BFSP2: variants seen among roughly 807,000 people sequenced by gnomAD.
BFSP2 encodes the protein beaded filament structural protein 2.
In BFSP2, 38 loss-of-function variants were observed where a neutral mutation model predicts 44.9. The observed-to-expected ratio is 0.85, with a 90% confidence interval of 0.65 to 1.11. The LOEUF is 1.11. Ranked by LOEUF, BFSP2 falls within the 50% of genes least tolerant of loss-of-function variation. The pLI is 0.00. For synonymous variants in BFSP2, 197 were observed against 209.9 expected (o/e 0.94, Z 0.53); for missense variants, 525 against 533.0 (o/e 0.99, Z 0.15).
intron 1 of BFSP2, among the ~76,000 whole-genome samples, chr3:133,440,076 C>T (rs2073829519): frequency 6.6e-6 from 1 of 152,206 alleles, no homozygotes; most frequent in South Asian, 2.1e-4. Flanking sequence ...GCCTCACAAT[C>T]ATGGCAGAAG....
rs1431204834 is a variant in BFSP2, at chr3:133,448,808, T to G, written c.729+163T>G. On this transcript the variant is annotated intron_variant, in intron 3 of 6. Transcript: ENST00000302334. ...GTAAAATACTTTCAGATCCTTGAAG[T>G]GGGTCAGGTTACCCCAGCAGTCTCA... 29 of 932,482 alleles carry G rather than the reference T, an allele frequency of 3.1e-5. No individual in the cohort carries two copies. The Admixed American group carries it at 3.4e-4, about 11-fold the overall frequency. The allele number at this position is 932,482 out of a possible 1,614,324, so 57.8% of individuals were successfully genotyped here.
chr3:133,406,756 G>A (rs2073408034), intron 1 of BFSP2, among the ~76,000 whole-genome samples: 1 of 152,116 alleles, frequency 6.6e-6, no homozygotes, highest in African/African-American at 2.4e-5. Flanking sequence ...AGAGGCAGTA[G>A]TCAATATGAT....
chr3:133,417,416 C>T (rs1249326229), intron 1 of BFSP2, among the ~76,000 whole-genome samples: 4 of 123,252 alleles, frequency 3.2e-5, no homozygotes, highest in Admixed American at 3.2e-4. Flanking sequence ...CTCTACTCAC[C>T]CCACCCTCTC....
At chr3:133,466,110 C>G (rs1011355313) in intron 4 of BFSP2, among the ~76,000 whole-genome samples, 2 of 152,002 alleles carry the variant, frequency 1.3e-5, no homozygotes, top group Non-Finnish European at 2.9e-5. Context: ...CGCCTTTGCA[C>G]CAACCTAATA....
At chr3:133,430,868 C>T (rs1308670401) in intron 1 of BFSP2, among the ~76,000 whole-genome samples, 6 of 152,042 alleles carry the variant, frequency 3.9e-5, no homozygotes, top group Middle Eastern at 3.2e-3. Context: ...CACCCTGGTC[C>T]GCTCCTTTTA....
rs1576552758 is a variant in BFSP2 at position 133,400,293 on chromosome 3, T to G, written c.210T>G (p.Gly70=). The change falls in exon 1 of 7, where the codon GGT becomes GGG. Residue 70 remains glycine (G), a synonymous_variant. Coordinates refer to ENST00000302334, the MANE Select transcript of BFSP2 (RefSeq NM_003571.4). This position sits in a 1 kb window ranked among gnomAD's most constrained non-coding sequence, Gnocchi z 4.0. ...CCAGTGGGTGCATAGGTGGCTTGGG[T>G]GCCCGTGTGACCCGCCGGGCCCTCG... The part of the protein sequence containing the change: ...TAPSGCIGGL[G]ARVTRRALGI... 1 of 1,613,990 alleles carries G rather than the reference T, an allele frequency of 6.2e-7. No individual in the cohort carries two copies. The highest frequency in any genetic ancestry group is 8.5e-7 in the Non-Finnish European group (1 of 1,180,026).
At chr3:133,458,354 T>C (rs1008902824) in intron 4 of BFSP2, among the ~76,000 whole-genome samples, 1 of 152,200 alleles carries the variant, frequency 6.6e-6, no homozygotes. Flanking sequence ...GACTGTCTCA[T>C]TGAGGTAGGT....
intron 1 of BFSP2, among the ~76,000 whole-genome samples, chr3:133,426,298 G>C (rs75639413): frequency 0.014 from 2,097 of 152,116 alleles, 52 homozygotes; most frequent in African/African-American, 0.047. Context: ...CCCTGCTGAC[G>C]TGCCTGTCAA....
chr3:133,454,936 C>T (rs371954869), intron 4 of BFSP2, among the ~76,000 whole-genome samples: 1 of 152,060 alleles, frequency 6.6e-6, no homozygotes, highest in Non-Finnish European at 1.5e-5. Context: ...CACATACATA[C>T]ACATTAGCCT....
At chr3:133,428,344 G>C (rs1235530440) in intron 1 of BFSP2, among the ~76,000 whole-genome samples, 1 of 152,064 alleles carries the variant, frequency 6.6e-6, no homozygotes, top group Non-Finnish European at 1.5e-5. Context: ...AGGGCGCTGG[G>C]CTTTCATGCC....
intron 4 of BFSP2, among the ~76,000 whole-genome samples, chr3:133,462,290 G>A (rs1242972497): frequency 2.0e-5 from 3 of 152,266 alleles, no homozygotes; most frequent in South Asian, 2.1e-4. Context: ...GCATGAATGA[G>A]TATTAAGAGA....
chr3:133,440,552 C>T (rs879788582), intron 1 of BFSP2, among the ~76,000 whole-genome samples: 1 of 152,090 alleles, frequency 6.6e-6, no homozygotes, highest in African/African-American at 2.4e-5. Flanking sequence ...TCTTTAGTGA[C>T]CAGCACTGAT....
intron 6 of BFSP2, 47 bp downstream of exon 6, chr3:133,472,612 G>C (rs1559986727): frequency 6.4e-7 from 1 of 1,567,342 alleles, no homozygotes; most frequent in Non-Finnish European, 8.7e-7. Context: ...CATATTCATG[G>C]CTTTAAAAAT....
intron 4 of BFSP2, among the ~76,000 whole-genome samples, chr3:133,451,038 G>C (rs547316871): frequency 1.4e-4 from 21 of 149,552 alleles, no homozygotes; most frequent in Non-Finnish European, 1.6e-4. Context: ...GTGAACCTGG[G>C]AGGCGGAGCT....
At chr3:133,417,319 C>T (rs1327702017) in intron 1 of BFSP2, among the ~76,000 whole-genome samples, 3 of 139,456 alleles carry the variant, frequency 2.2e-5, no homozygotes, top group South Asian at 2.5e-4. Context: ...CCCCTCTACT[C>T]GGCCCTGCCA....
At chr3:133,445,079 G>T (rs2073885114) in intron 1 of BFSP2, among the ~76,000 whole-genome samples, 2 of 152,184 alleles carry the variant, frequency 1.3e-5, no homozygotes, top group African/African-American at 2.4e-5. Context: ...ACAGAGCCTG[G>T]CATAAACAGT....
chr3:133,473,360 A>C (rs1462275347), intron 6 of BFSP2, among the ~76,000 whole-genome samples: 1 of 143,148 alleles, frequency 7.0e-6, no homozygotes, highest in Non-Finnish European at 1.5e-5. Context: ...TTGTCACCCC[A>C]TGGTTACCAT....
chr3:133,415,786 C>A (rs1398344829), intron 1 of BFSP2, among the ~76,000 whole-genome samples: 1 of 143,538 alleles, frequency 7.0e-6, no homozygotes, highest in Non-Finnish European at 1.5e-5. Flanking sequence ...TCCACTTACC[C>A]TTCTACTGAC....
intron 1 of BFSP2, among the ~76,000 whole-genome samples, chr3:133,436,818 A>G (rs2073789427): frequency 6.6e-6 from 1 of 151,902 alleles, no homozygotes; most frequent in African/African-American, 2.4e-5. Flanking sequence ...AAGTGTCCTC[A>G]TTGTTCAGTT....
Sources: allele counts gnomAD v4.1 joint callset (sites outside exome capture counted in the v4.1 genomes callset), GRCh38; gene constraint gnomAD v4.1.1; non-coding constraint Gnocchi (gnomAD v3.1); transcripts MANE v1.5; gene names NCBI Gene and HGNC (gene_info 2026-07-23, HGNC 2026-07-21).